Variants in MAF observed in about 807,000 individuals in gnomAD.
MAF encodes the protein MAF bZIP transcription factor.
In MAF, 10 loss-of-function variants were observed where a neutral mutation model predicts 22.0. The ratio of observed to expected loss-of-function variants is 0.45; its 90% CI spans 0.28 to 0.77. MAF has a LOEUF of 0.77. MAF is among the 30% of genes least tolerant of loss of function. The pLI is 0.12. For synonymous variants in MAF, 337 were observed against 255.8 expected, an observed-to-expected ratio of 1.32 and a Z score of -3.03; for missense variants, 544 against 548.4, an observed-to-expected ratio of 0.99 and a Z score of 0.08.
chr16:79,540,195 A>C, the MAF span, among the ~76,000 whole-genome samples: 1 of 151,826 alleles, frequency 6.6e-6, no homozygotes, highest in East Asian at 1.9e-4. Flanking sequence ...TGGGATTATC[A>C]GACAGGTTAC....
the MAF span, among the ~76,000 whole-genome samples, chr16:79,485,578 C>T: frequency 1.3e-5 from 2 of 152,078 alleles, no homozygotes; most frequent in African/African-American, 4.8e-5. Flanking sequence ...TGTAGTAAGT[C>T]CATGAGCACA....
chr16:79,381,679 G>A, the MAF span, among the ~76,000 whole-genome samples: 62 of 152,278 alleles, frequency 4.1e-4, no homozygotes, highest in African/African-American at 1.3e-3. Context: ...TGTGAATCAC[G>A]TGGTTGCTAA....
the MAF span, chr16:79,264,618 G>C: frequency 6.6e-6 from 1 of 152,172 alleles, no homozygotes; most frequent in Non-Finnish European, 1.5e-5. Context: ...CTTTTGCTGA[G>C]TCAGACAAAA....
the MAF span, among the ~76,000 whole-genome samples, chr16:79,517,229 G>C: frequency 1.3e-5 from 2 of 152,152 alleles, no homozygotes; most frequent in Admixed American, 6.5e-5. Context: ...AGAGGAAAAA[G>C]CCCAAAGACC....
chr16:79,485,099 G>A, the MAF span, among the ~76,000 whole-genome samples: 2 of 152,146 alleles, frequency 1.3e-5, no homozygotes, highest in South Asian at 2.1e-4. Context: ...AAAGAATTTA[G>A]CATGAGACGT....
chr16:79,521,709 C>T, the MAF span, among the ~76,000 whole-genome samples: 1 of 152,186 alleles, frequency 6.6e-6, no homozygotes, highest in Non-Finnish European at 1.5e-5. Context: ...CTCCGAGACT[C>T]AGTTTTCCCA....
chr16:79,266,309 T>A, the MAF span, among the ~76,000 whole-genome samples: 3 of 152,196 alleles, frequency 2.0e-5, no homozygotes, highest in Non-Finnish European at 2.9e-5. Context: ...CAGTCCATGG[T>A]TGACCACGGG....
chr16:79,529,888 G>A, the MAF span, among the ~76,000 whole-genome samples: 24 of 138,858 alleles, frequency 1.7e-4, no homozygotes, highest in Non-Finnish European at 2.4e-4. Flanking sequence ...TTGAACCTGG[G>A]AGGCGGAGGT....
chr16:79,222,517 A>C, the MAF span, among the ~76,000 whole-genome samples: 1 of 152,174 alleles, frequency 6.6e-6, no homozygotes, highest in African/African-American at 2.4e-5. Flanking sequence ...ATAATAAAAA[A>C]AAGAAAACAA....
the MAF span, among the ~76,000 whole-genome samples, chr16:79,536,677 T>TA: frequency 6.6e-6 from 1 of 152,178 alleles, no homozygotes. Context: ...GAAAAAATTT[T>TA]AAAAAGGATC....
chr16:79,421,618 T>C, the MAF span, among the ~76,000 whole-genome samples: 8 of 149,304 alleles, frequency 5.4e-5, no homozygotes, highest in East Asian at 1.4e-3. Context: ...GGAAAGACAG[T>C]TAGTAAATGA....
the MAF span, among the ~76,000 whole-genome samples, chr16:79,216,262 AAT>A: frequency 8.9e-4 from 135 of 152,352 alleles, no homozygotes; most frequent in East Asian, 1.7e-3. Context: ...TGCATGCACA[AAT>A]ATGTGTGCCA....
At chr16:79,401,988 C>T in the MAF span, among the ~76,000 whole-genome samples, 2 of 152,100 alleles carry the variant, frequency 1.3e-5, no homozygotes, top group Non-Finnish European at 2.9e-5. Context: ...TAGATGAGGA[C>T]CCTGAGGCCA....
chr16:79,522,890 G>A, the MAF span, among the ~76,000 whole-genome samples: 1 of 152,220 alleles, frequency 6.6e-6, no homozygotes, highest in East Asian at 1.9e-4. Flanking sequence ...AGAACTCACA[G>A]TGCTGGCATA....
At chr16:79,306,708 C>T in the MAF span, among the ~76,000 whole-genome samples, 1 of 152,180 alleles carries the variant, frequency 6.6e-6, no homozygotes, top group African/African-American at 2.4e-5. Context: ...TCATCATCAT[C>T]ATCATCACTT....
At chr16:79,204,387 C>G in the MAF span, 1 of 152,092 alleles carries the variant, frequency 6.6e-6, no homozygotes, top group Non-Finnish European at 1.5e-5. Flanking sequence ...TGCCTTGAAG[C>G]CGTTTCTTTT....
the MAF span, among the ~76,000 whole-genome samples, chr16:79,283,964 C>T: frequency 1.8e-5 from 1 of 55,216 alleles, no homozygotes; most frequent in Non-Finnish European, 3.6e-5. Flanking sequence ...TGCACCTCCT[C>T]CTCAAAAAAA....
chr16:79,400,600 G>T, the MAF span, among the ~76,000 whole-genome samples: 46,865 of 152,114 alleles, frequency 0.31, 8,061 homozygotes, highest in Non-Finnish European at 0.4. Flanking sequence ...CCCCCTTCAC[G>T]GGTTTCCCAG....
At chr16:79,551,253 G>C in the MAF span, among the ~76,000 whole-genome samples, 2 of 152,128 alleles carry the variant, frequency 1.3e-5, no homozygotes, top group Non-Finnish European at 2.9e-5. Context: ...ACTGTACCTA[G>C]CATCAATGCT....
Sources: allele counts gnomAD v4.1 joint callset (sites outside exome capture counted in the v4.1 genomes callset), GRCh38; gene constraint gnomAD v4.1.1; transcripts MANE v1.5; gene names NCBI Gene and HGNC (gene_info 2026-07-23, HGNC 2026-07-21).